Variants in GPR141 observed in about 807,000 individuals in gnomAD.
GPR141 encodes probable G protein-coupled receptor 141.
GPR141 carries 6 observed loss-of-function variants against 6.8 expected under a neutral mutation model. That is an observed-to-expected ratio of 0.88 (90% confidence interval 0.48 to 1.74). The LOEUF (loss-of-function observed/expected upper bound fraction) is 1.74. Ranked by LOEUF, GPR141 falls within the 40% of genes most tolerant of loss-of-function variation. GPR141 has a pLI of 0.01. For synonymous variants in GPR141, 140 were observed against 142.3 expected, an observed-to-expected ratio of 0.98 and a Z score of 0.11; for missense variants, 372 against 372.9, an observed-to-expected ratio of 1.00 and a Z score of 0.02.
chr7:37,702,747 T>G (rs1363864297), intron 2 of GPR141, among the ~76,000 whole-genome samples: 6 of 127,006 alleles, frequency 4.7e-5, no homozygotes, highest in African/African-American at 1.2e-4. Flanking sequence ...AAAAAATAAA[T>G]AAATAAATAA....
At chr7:37,718,834 T>C (rs546687262) in intron 2 of GPR141, among the ~76,000 whole-genome samples, 1 of 152,306 alleles carries the variant, frequency 6.6e-6, no homozygotes, top group Admixed American at 6.5e-5. Flanking sequence ...CATTGAACCT[T>C]AACCAAGGGC....
chr7:37,701,493 A>G (rs1810276397), intron 2 of GPR141, among the ~76,000 whole-genome samples: 1 of 152,216 alleles, frequency 6.6e-6, no homozygotes, highest in Admixed American at 6.5e-5. Flanking sequence ...AAATGAAAAC[A>G]TGGGACTCCC....
intron 2 of GPR141, among the ~76,000 whole-genome samples, chr7:37,719,607 G>A (rs561380450): frequency 4.6e-5 from 7 of 152,146 alleles, no homozygotes; most frequent in South Asian, 4.2e-4. Context: ...ACACGTCTGC[G>A]AATTATGAGT....
At chr7:37,689,145 G>A (rs1809646403) in intron 2 of GPR141, among the ~76,000 whole-genome samples, 2 of 152,190 alleles carry the variant, frequency 1.3e-5, no homozygotes, top group South Asian at 4.1e-4. Context: ...CTATTGAGAT[G>A]ATTACATGGC....
At chr7:37,706,197 CTTA>C (rs1040645236) in intron 2 of GPR141, among the ~76,000 whole-genome samples, 4 of 152,168 alleles carry the variant, frequency 2.6e-5, no homozygotes, top group Admixed American at 2.0e-4. Context: ...AGTAACAGCT[CTTA>C]TTATTCATGG....
intron 2 of GPR141, among the ~76,000 whole-genome samples, chr7:37,696,548 C>T (rs962024374): frequency 1.1e-4 from 17 of 151,656 alleles, no homozygotes; most frequent in Non-Finnish European, 1.9e-4. Context: ...TTCCTCAGCG[C>T]GACTTGTTAT....
intron 2 of GPR141, among the ~76,000 whole-genome samples, chr7:37,724,380 A>G (rs1408047570): frequency 1.3e-5 from 2 of 152,182 alleles, no homozygotes; most frequent in African/African-American, 4.8e-5. Context: ...GAGGAGGAGG[A>G]CTGTGAGAGA....
intron 2 of GPR141, among the ~76,000 whole-genome samples, chr7:37,696,986 TAGAG>T (rs1810047154): frequency 6.6e-6 from 1 of 152,220 alleles, no homozygotes; most frequent in African/African-American, 2.4e-5. Flanking sequence ...CATAGATAGA[TAGAG>T]AGTGAGAGAG....
At chr7:37,704,043 T>C (rs1243809596) in intron 2 of GPR141, among the ~76,000 whole-genome samples, 2 of 152,204 alleles carry the variant, frequency 1.3e-5, no homozygotes, top group Non-Finnish European at 2.9e-5. Context: ...CCAGAAACCC[T>C]GGGCCATTTC....
chr7:37,691,603 G>A (rs1173572657), intron 2 of GPR141, among the ~76,000 whole-genome samples: 3 of 152,028 alleles, frequency 2.0e-5, no homozygotes, highest in Admixed American at 1.3e-4. Flanking sequence ...TCTCCTTTGT[G>A]TATCTGCTGT....
intron 2 of GPR141, among the ~76,000 whole-genome samples, chr7:37,691,729 T>C (rs371717798): frequency 6.6e-6 from 1 of 152,180 alleles, no homozygotes; most frequent in Admixed American, 6.5e-5. Flanking sequence ...ATTCTCTTAG[T>C]TTTTCTTTGT....
At chr7:37,711,666 T>G (rs1324483138) in intron 2 of GPR141, among the ~76,000 whole-genome samples, 1 of 152,222 alleles carries the variant, frequency 6.6e-6, no homozygotes, top group Non-Finnish European at 1.5e-5. Flanking sequence ...TTGCAAACAC[T>G]GCTAGGTATC....
At chr7:37,726,543 T>C (rs1811635674) in intron 2 of GPR141, among the ~76,000 whole-genome samples, 1 of 152,240 alleles carries the variant, frequency 6.6e-6, no homozygotes. Context: ...GTTAGAAGAA[T>C]GATAAAGAGC....
chr7:37,701,223 CTCTT>C (rs1326732361), intron 2 of GPR141, among the ~76,000 whole-genome samples: 2 of 152,190 alleles, frequency 1.3e-5, no homozygotes, highest in African/African-American at 2.4e-5. Context: ...TTTCCTAAGT[CTCTT>C]TCTTTCTCCA....
chr7:37,740,932 T>C lies in GPR141; in HGVS notation c.539T>C (p.Ile180Thr), dbSNP rs778469645. 4 of 1,614,132 alleles carry C rather than the reference T, an allele frequency of 2.5e-6. No homozygotes were observed. In the South Asian group the frequency reaches 4.4e-5, roughly 18 times the overall value. The change falls in exon 3 of 3, where the codon ATC (isoleucine) becomes ACC (threonine). Residue 180 changes from isoleucine to threonine, a missense_variant. Coordinates refer to ENST00000334425, the MANE Select transcript of GPR141 (RefSeq NM_001381946.1). ...HKELAYTYVKIINYMIVIFVI... is the reference protein window; with the variant it reads ...HKELAYTYVKTINYMIVIFVI... ...GAGCTTGCTTACACATATGTGAAAA[T>C]CATCAACTATATGATAGTCATTTTT...
At chr7:37,687,823 A>T (rs1286656373) in intron 2 of GPR141, among the ~76,000 whole-genome samples, 1 of 152,096 alleles carries the variant, frequency 6.6e-6, no homozygotes, top group Non-Finnish European at 1.5e-5. Context: ...GGAAGGCTTT[A>T]CTCCAAAACG....
intron 2 of GPR141, among the ~76,000 whole-genome samples, chr7:37,720,710 C>T (rs545522614): frequency 2.1e-5 from 3 of 142,172 alleles, no homozygotes; most frequent in South Asian, 4.4e-4. Flanking sequence ...CACTGCACTC[C>T]AGGCTGGGCA....
chr7:37,695,859 G>A (rs1809992757), intron 2 of GPR141, among the ~76,000 whole-genome samples: 1 of 152,164 alleles, frequency 6.6e-6, no homozygotes. Context: ...TTGTCACTGT[G>A]TGGCGGTGGA....
intron 2 of GPR141, among the ~76,000 whole-genome samples, chr7:37,736,046 G>T (rs1812218842): frequency 6.6e-6 from 1 of 152,050 alleles, no homozygotes; most frequent in African/African-American, 2.4e-5. Context: ...ATCACTTGAG[G>T]TCAGGAGTTT....
Sources: gnomAD v4.1 joint callset for allele counts (sites outside exome capture counted in the v4.1 genomes callset) on GRCh38, gnomAD v4.1.1 for gene constraint, MANE v1.5 for transcripts, NCBI Gene and HGNC (gene_info 2026-07-23, HGNC 2026-07-21) for gene names.